The following CPVL variants were observed in gnomAD, a reference collection of about 807,000 sequenced individuals.
CPVL encodes the protein probable serine carboxypeptidase CPVL.
A neutral mutation model predicts 63.7 loss-of-function variants in CPVL; 51 were observed. The observed-to-expected ratio is 0.80, with a 90% CI of 0.64 to 1.01. The LOEUF (loss-of-function observed/expected upper bound fraction) is 1.01. Among genes scored for constraint, CPVL ranks in the 50% least tolerant of loss-of-function variants. CPVL has a pLI of 0.00. For missense variants in CPVL, 530 were observed against 573.1 expected, an observed-to-expected ratio of 0.92 and a Z score of 0.77; for synonymous variants, 195 against 206.0, an observed-to-expected ratio of 0.95 and a Z score of 0.46.
At chr7:29,042,372 G>A (rs1226849099) in intron 11 of CPVL, among the ~76,000 whole-genome samples, 1 of 152,132 alleles carries the variant, frequency 6.6e-6, no homozygotes, top group Non-Finnish European at 1.5e-5. Flanking sequence ...GGAAGCTGAG[G>A]TAGGAGGATC....
intron 12 of CPVL, among the ~76,000 whole-genome samples, chr7:29,004,313 A>G (rs1784959165): frequency 6.6e-6 from 1 of 152,212 alleles, no homozygotes; most frequent in South Asian, 2.1e-4. Flanking sequence ...TTCCTTTTAG[A>G]GAGATACAGA....
intron 12 of CPVL, chr7:29,010,530 CA>C (rs1652803089): frequency 6.6e-6 from 1 of 152,180 alleles, no homozygotes; most frequent in Non-Finnish European, 1.5e-5. Context: ...AACACCGCCC[CA>C]TCCCTCTCTG....
At chr7:29,072,845 G>A (rs1783882598) in intron 7 of CPVL, among the ~76,000 whole-genome samples, 3 of 152,162 alleles carry the variant, frequency 2.0e-5, no homozygotes, top group Admixed American at 2.0e-4. Context: ...AAATCAACAT[G>A]TACTAAAGGA....
chr7:29,161,203 A>C (rs1795130977), intron 5 of CPVL, among the ~76,000 whole-genome samples: 1 of 152,140 alleles, frequency 6.6e-6, no homozygotes, highest in South Asian at 2.1e-4. Flanking sequence ...GACCAGGCTC[A>C]TGTCTTAGCA....
chr7:29,138,937 G>C (rs1359393697), intron 1 of CPVL, among the ~76,000 whole-genome samples: 1 of 152,080 alleles, frequency 6.6e-6, no homozygotes, highest in Admixed American at 6.6e-5. Context: ...CCAACCTTTG[G>C]GTATGTGTCC....
intron 7 of CPVL, among the ~76,000 whole-genome samples, chr7:29,081,774 C>T (rs537757811): frequency 6.6e-6 from 1 of 152,110 alleles, no homozygotes; most frequent in African/African-American, 2.4e-5. Context: ...TAATAATAGT[C>T]ATCATGTGTT....
chr7:29,089,862 T>C (rs1403706351), intron 6 of CPVL, among the ~76,000 whole-genome samples: 3 of 117,626 alleles, frequency 2.6e-5, no homozygotes, highest in African/African-American at 2.1e-4. Context: ...ATTGAATTCT[T>C]TTTTTTTTTT....
intron 5 of CPVL, among the ~76,000 whole-genome samples, chr7:29,173,008 G>T (rs1286178332): frequency 1.3e-5 from 2 of 151,840 alleles, no homozygotes. Flanking sequence ...GTGGGTGCCT[G>T]TAATCCCAGC....
chr7:29,185,532 C>T (rs566550627), exon 3 of CPVL: 1 of 152,080 alleles, frequency 6.6e-6, no homozygotes, highest in African/African-American at 2.4e-5. Flanking sequence ...TCAAGCTCTT[C>T]AACAATATAA....
intron 12 of CPVL, among the ~76,000 whole-genome samples, chr7:29,028,966 C>CACAA (rs764831219): frequency 2.3e-5 from 2 of 88,544 alleles, no homozygotes; most frequent in African/African-American, 8.4e-5. Flanking sequence ...GACTCCATCT[C>CACAA]AAAAAAAAAA....
intron 9 of CPVL, among the ~76,000 whole-genome samples, chr7:29,069,868 A>G (rs986468989): frequency 6.0e-5 from 9 of 150,438 alleles, no homozygotes; most frequent in African/African-American, 2.4e-5. Context: ...CTATCTCCAG[A>G]GTACTCTCCA....
At chr7:29,175,044 T>G (rs1797103532) in intron 5 of CPVL, among the ~76,000 whole-genome samples, 1 of 152,144 alleles carries the variant, frequency 6.6e-6, no homozygotes, top group Admixed American at 6.5e-5. Flanking sequence ...CATCTTGAAT[T>G]GTAGCTCCCA....
intron 5 of CPVL, among the ~76,000 whole-genome samples, chr7:29,163,151 A>C (rs928612492): frequency 1.3e-5 from 2 of 152,122 alleles, no homozygotes; most frequent in Non-Finnish European, 2.9e-5. Flanking sequence ...TTAAAAAAAG[A>C]TACTCAATTC....
At chr7:29,135,924 C>T (rs1159549448) in intron 1 of CPVL, among the ~76,000 whole-genome samples, 1 of 152,040 alleles carries the variant, frequency 6.6e-6, no homozygotes, top group East Asian at 1.9e-4. Flanking sequence ...TGGGAACCAG[C>T]CAGTTTTTTT....
At chr7:29,179,033 G>T (rs1797728701) in intron 5 of CPVL, among the ~76,000 whole-genome samples, 3 of 152,138 alleles carry the variant, frequency 2.0e-5, no homozygotes, top group Non-Finnish European at 2.9e-5. Flanking sequence ...GCCTCCTTAG[G>T]ATTATAGGGG....
At chr7:29,140,738 T>C (rs1248658476) in intron 1 of CPVL, among the ~76,000 whole-genome samples, 1 of 151,782 alleles carries the variant, frequency 6.6e-6, no homozygotes, top group Non-Finnish European at 1.5e-5. Context: ...TCGCACCCTC[T>C]CTCCAAAGAC....
chr7:29,024,716 G>A (rs1440839312), intron 12 of CPVL, among the ~76,000 whole-genome samples: 1 of 152,094 alleles, frequency 6.6e-6, no homozygotes, highest in Non-Finnish European at 1.5e-5. Flanking sequence ...GAACAAAACT[G>A]ACAACCAAGA....
At chr7:29,182,259 G>A (rs1798154536) in intron 4 of CPVL, among the ~76,000 whole-genome samples, 2 of 152,170 alleles carry the variant, frequency 1.3e-5, no homozygotes. Flanking sequence ...GGAGCGCAGA[G>A]GAAGGTTAGC....
chr7:29,068,559 G>A (rs1236011571), intron 9 of CPVL, among the ~76,000 whole-genome samples: 1 of 152,130 alleles, frequency 6.6e-6, no homozygotes. Flanking sequence ...TCGCTGAGCT[G>A]GAGAGCCTGG....
Sources: gnomAD v4.1 joint callset for allele counts (sites outside exome capture counted in the v4.1 genomes callset) on GRCh38, gnomAD v4.1.1 for gene constraint, MANE v1.5 for transcripts, NCBI Gene and HGNC (gene_info 2026-07-23, HGNC 2026-07-21) for gene names.